RSPO2: variants seen among roughly 807,000 people sequenced by gnomAD.
The protein encoded by RSPO2 is R-spondin 2.
A neutral mutation model predicts 30.9 loss-of-function variants in RSPO2; 14 were observed. That is an observed-to-expected ratio of 0.45 (90% CI 0.30 to 0.71). The LOEUF (loss-of-function observed/expected upper bound fraction) is 0.71, where lower values mean the gene tolerates loss of function less well. Ranked by LOEUF, RSPO2 falls within the 30% of genes least tolerant of loss-of-function variation. The pLI is 0.08. For synonymous variants in RSPO2, 107 were observed against 96.4 expected (o/e 1.11, Z -0.64); for missense variants, 264 against 301.9 (o/e 0.87, Z 0.93).
chr8:108,065,993 G>A (rs1406650942), intron 2 of RSPO2, among the ~76,000 whole-genome samples: 3 of 152,094 alleles, frequency 2.0e-5, no homozygotes, highest in Admixed American at 1.3e-4. Context: ...AGCAGAGATC[G>A]TGCCATTGCA....
chr8:107,977,895 G>A (rs563488418), intron 3 of RSPO2, among the ~76,000 whole-genome samples: 60 of 151,664 alleles, frequency 4.0e-4, no homozygotes, highest in African/African-American at 1.3e-3. Flanking sequence ...TAATAGGATC[G>A]TCAGATGTGA....
intron 5 of RSPO2, among the ~76,000 whole-genome samples, chr8:107,926,594 A>G (rs1355471500): frequency 6.6e-6 from 1 of 152,152 alleles, no homozygotes; most frequent in Admixed American, 6.5e-5. Flanking sequence ...GAAGGGATCC[A>G]GTTTCAGCTT....
At chr8:107,985,478 T>C (rs894837889) in intron 3 of RSPO2, among the ~76,000 whole-genome samples, 3 of 152,198 alleles carry the variant, frequency 2.0e-5, no homozygotes, top group African/African-American at 4.8e-5. Context: ...CATGAAAATA[T>C]GTTCATAATT....
chr8:107,915,292 G>C (rs552261513), intron 5 of RSPO2, among the ~76,000 whole-genome samples: 1 of 152,186 alleles, frequency 6.6e-6, no homozygotes, highest in Non-Finnish European at 1.5e-5. Flanking sequence ...CCATATTAAA[G>C]GGAATCTGTA....
At chr8:107,939,965 T>A (rs1812842735) in intron 5 of RSPO2, among the ~76,000 whole-genome samples, 1 of 152,124 alleles carries the variant, frequency 6.6e-6, no homozygotes, top group African/African-American at 2.4e-5. Flanking sequence ...TACCAACAGA[T>A]CTGAACTGAT....
At chr8:107,945,637 T>C (rs1379776655) in intron 5 of RSPO2, among the ~76,000 whole-genome samples, 2 of 152,214 alleles carry the variant, frequency 1.3e-5, no homozygotes. Context: ...TATATTTTAG[T>C]AAATGTTAGG....
At chr8:108,060,611 C>T (rs1469580056) in intron 2 of RSPO2, among the ~76,000 whole-genome samples, 1 of 151,792 alleles carries the variant, frequency 6.6e-6, no homozygotes, top group African/African-American at 2.4e-5. Flanking sequence ...AAACACTCTG[C>T]AGGATATTAT....
In RSPO2 at chr8:108,007,275, T is replaced by C. The variant is rs183023175; in HGVS notation, c.95-18031A>G. The stretch of plus-strand genomic sequence containing the variant: ...TATTCTACAATCCACATTTGAATGA[T>C]TGCGGCCACACAGATTCACCATTTT... On this transcript the variant is annotated intron_variant, in intron 2 of 5. Transcript: ENST00000276659. 1.8e-3 allele frequency among the ~76,000 whole-genome samples: 268 copies of C among 152,320 alleles called. 2 individuals carry two copies. Among genetic ancestry groups the C allele is most frequent in the Non-Finnish European group, 7.4e-4 (50 of 68,022 alleles).
chr8:108,006,608 GA>G (rs59714687), intron 2 of RSPO2, among the ~76,000 whole-genome samples: 2,899 of 142,396 alleles, frequency 0.02, 89 homozygotes, highest in African/African-American at 0.069. Flanking sequence ...AACTGATTCT[GA>G]AAAAAAAAAG....
rs796930803 is a variant in RSPO2, at chr8:108,030,244, T to C, written c.95-41000A>G. On this transcript the variant is annotated intron_variant, in intron 2 of 5. Coordinates refer to ENST00000276659, the MANE Select transcript of RSPO2 (RefSeq NM_178565.5). ...GGATGAGCTGGTTGAGGACACACTCTGCTGGAGAAACCCAAGCAGTATTCA... is the reference window on the plus strand; with the variant it reads ...GGATGAGCTGGTTGAGGACACACTCCGCTGGAGAAACCCAAGCAGTATTCA... Among the ~76,000 whole-genome samples, 26 of 152,116 alleles carry C rather than the reference T, an allele frequency of 1.7e-4. 1 individual carries two copies. Among genetic ancestry groups the C allele is most frequent in the African/African-American group, 6.3e-4 (26 of 41,502 alleles).
chr8:108,005,099 ATGTC>A (rs1378397220), intron 2 of RSPO2, among the ~76,000 whole-genome samples: 1 of 152,084 alleles, frequency 6.6e-6, no homozygotes, highest in African/African-American at 2.4e-5. Flanking sequence ...GATTTACAAC[ATGTC>A]TGTCTGGGCT....
At chr8:107,956,041 C>T (rs1415806199) in intron 5 of RSPO2, among the ~76,000 whole-genome samples, 1 of 152,208 alleles carries the variant, frequency 6.6e-6, no homozygotes, top group Non-Finnish European at 1.5e-5. Context: ...GAACTTTTCT[C>T]TCTCTCACCT....
chr8:107,951,367 TA>T (rs1219495594), intron 5 of RSPO2, among the ~76,000 whole-genome samples: 2 of 152,090 alleles, frequency 1.3e-5, no homozygotes, highest in African/African-American at 4.8e-5. Flanking sequence ...TAAGTTGTTC[TA>T]AAAAATGATT....
At chr8:108,065,659 TAAAAAAA>T (rs57299718) in intron 2 of RSPO2, among the ~76,000 whole-genome samples, 1 of 117,090 alleles carries the variant, frequency 8.5e-6, no homozygotes, top group South Asian at 2.7e-4. Context: ...GCAGAAGGAA[TAAAAAAA>T]AAAAAAAAAA....
chr8:107,945,205 C>T (rs1190937115), intron 5 of RSPO2, among the ~76,000 whole-genome samples: 1 of 143,524 alleles, frequency 7.0e-6, no homozygotes, highest in Non-Finnish European at 1.5e-5. Context: ...CCAATTCTTA[C>T]AGATTTTGAT....
intron 5 of RSPO2, among the ~76,000 whole-genome samples, chr8:107,929,099 T>C (rs1455475791): frequency 6.6e-6 from 1 of 152,144 alleles, no homozygotes; most frequent in Non-Finnish European, 1.5e-5. Flanking sequence ...CCATGGACTG[T>C]GAGTTGTCTG....
intron 2 of RSPO2, among the ~76,000 whole-genome samples, chr8:108,069,913 T>C (rs1392439080): frequency 6.6e-6 from 1 of 152,200 alleles, no homozygotes; most frequent in African/African-American, 2.4e-5. Flanking sequence ...TAATAAAATT[T>C]TGTCTAATAC....
intron 5 of RSPO2, among the ~76,000 whole-genome samples, chr8:107,950,080 C>T (rs904237372): frequency 2.6e-5 from 4 of 152,170 alleles, no homozygotes; most frequent in African/African-American, 9.7e-5. Context: ...TTTTGCCTCC[C>T]TACTGAGCTT....
chr8:108,058,414 C>T (rs189928328), intron 2 of RSPO2, among the ~76,000 whole-genome samples: 2 of 152,118 alleles, frequency 1.3e-5, no homozygotes, highest in Admixed American at 6.5e-5. Flanking sequence ...ATGAAAATGG[C>T]CATACTGCCC....
Sources: gnomAD v4.1 joint callset for allele counts (sites outside exome capture counted in the v4.1 genomes callset) on GRCh38, gnomAD v4.1.1 for gene constraint, MANE v1.5 for transcripts, NCBI Gene and HGNC (gene_info 2026-07-23, HGNC 2026-07-21) for gene names.